Variants in BPIFA3 observed in about 807,000 individuals in gnomAD.
BPIFA3 encodes BPI fold-containing family A member 3.
BPIFA3 carries 32 observed loss-of-function variants against 29.7 expected under a neutral mutation model. That is an observed-to-expected ratio of 1.08 (90% CI 0.81 to 1.45). The LOEUF (loss-of-function observed/expected upper bound fraction) is 1.45. Among genes scored for constraint, BPIFA3 ranks in the 40% most tolerant of loss-of-function variants. The probability of loss-of-function intolerance (pLI) is 0.00; values close to 1 mark genes in which losing one functional copy is unlikely to be tolerated. For missense variants in BPIFA3, 323 were observed against 311.3 expected, an observed-to-expected ratio of 1.04 and a Z score of -0.28; for synonymous variants, 112 against 113.7, an observed-to-expected ratio of 0.98 and a Z score of 0.10.
intron 4 of BPIFA3, 148 bp downstream of exon 4, chr20:33,225,395 G>GTGA: frequency 8.8e-7 from 1 of 1,134,936 alleles, no homozygotes; most frequent in Non-Finnish European, 1.2e-6. Context: ...GTTCCCATCC[G>GTGA]TGATGACCCT....
chr20:33,219,689 G>C (rs143235029), intron 1 of BPIFA3, among the ~76,000 whole-genome samples: 23 of 152,266 alleles, frequency 1.5e-4, no homozygotes, highest in Non-Finnish European at 3.1e-4. Flanking sequence ...TCCCTATGCT[G>C]TATCTGTACA....
At position 33,224,003 on chromosome 20, in the gene BPIFA3, A is replaced by G. The variant is rs757289706; in HGVS notation, c.278+42A>G. ...TATCCGTGGCCCTGGAACTCTTTAT[A>G]GAGCTCTAGATCGAAGGGTAGAGCT... On this transcript the variant is annotated intron_variant, in intron 2 of 6. Coordinates refer to ENST00000375454, the MANE Select transcript of BPIFA3 (RefSeq NM_178466.5). 4.4e-6 allele frequency: 7 copies of G among 1,606,680 alleles called. No homozygotes were observed. In the East Asian group the frequency reaches 1.6e-4, roughly 36 times the overall value.
rs938062487 is a variant in BPIFA3, at chr20:33,227,770, C to T, written c.*153C>T. ...AGCTCTGAAGGGTGCACAGGTCCCT[C>T]CCACCTGGGCCCTGGGGTTTAGGTC... On this transcript the variant is annotated 3_prime_UTR_variant, in exon 7 of 7. Coordinates refer to ENST00000375454, the MANE Select transcript of BPIFA3 (RefSeq NM_178466.5). The T allele has an allele frequency of 4.9e-6, 3 of 614,956 alleles. No individual in the cohort carries two copies. In the Admixed American group the frequency reaches 8.5e-5, roughly 17 times the overall value. 38.1% of individuals were successfully genotyped at this position (614,956 alleles called of 1,614,324 possible). A position where few individuals can be genotyped will look rare whatever the true frequency, so the allele number is the denominator to read the frequency against.
intron 1 of BPIFA3, among the ~76,000 whole-genome samples, chr20:33,219,145 T>A (rs1985398245): frequency 6.6e-6 from 1 of 152,204 alleles, no homozygotes; most frequent in Non-Finnish European, 1.5e-5. Context: ...CCTCAAGTGA[T>A]CTACCCACCT....
In BPIFA3 at chr20:33,227,580, A is replaced by C. The variant is rs945549293; in HGVS notation, c.728A>C (p.Gln243Pro). The change falls in exon 7 of 7, where the codon CAA becomes CCA. Residue 243 changes from glutamine (Q) to proline (P), a missense_variant. Gln to Pro is a moderately conservative substitution (Grantham distance 76, BLOSUM62 -1). Coordinates refer to ENST00000375454, the MANE Select transcript of BPIFA3 (RefSeq NM_178466.5). ...GAACCAACCCACCATGAAACCAGCC[A>C]ACCCTCTGCATGCCAGGCTGGAGAG... Reference protein sequence around the residue: ...AHEPTHHETSQPSACQAGESP... With the variant: ...AHEPTHHETSPPSACQAGESP... 6.2e-7 allele frequency: 1 copy of C among 1,614,128 alleles called. No individual in the cohort carries two copies. Among genetic ancestry groups the C allele is most frequent in the Non-Finnish European group, 8.5e-7 (1 of 1,180,012 alleles).
In BPIFA3 at chr20:33,227,010, T is replaced by C; in HGVS notation, c.685+17T>C. 6.2e-7 allele frequency: 1 copy of C among 1,608,928 alleles called. No homozygotes were observed. Among genetic ancestry groups the C allele is most frequent in the Non-Finnish European group, 8.5e-7 (1 of 1,175,276 alleles). ...GCCTCATAGGTGAGTGTCTGGTCCA[T>C]CCAGTGAGGACTTCTTAGGACTGGC... On this transcript the variant is annotated intron_variant, in intron 6 of 6. Coordinates refer to ENST00000375454, the MANE Select transcript of BPIFA3 (RefSeq NM_178466.5).
intron 1 of BPIFA3, chr20:33,223,603 T>C: frequency 1.9e-6 from 1 of 534,996 alleles, no homozygotes; most frequent in Non-Finnish European, 3.3e-6. Context: ...CCACACCCTC[T>C]GCAGGTGTTT....
chr20:33,227,055 C>A (rs1240786521), intron 6 of BPIFA3, 62 bp downstream of exon 6: 14 of 1,508,922 alleles, frequency 9.3e-6, no homozygotes, highest in East Asian at 2.3e-5. Context: ...AAAGAGGTAC[C>A]CCCGGCCCTG....
intron 1 of BPIFA3, among the ~76,000 whole-genome samples, chr20:33,218,281 G>T (rs1380480205): frequency 6.6e-6 from 1 of 152,212 alleles, no homozygotes; most frequent in South Asian, 2.1e-4. Flanking sequence ...AACCCAGAAG[G>T]AGAGTGGTTG....
chr20:33,226,343 C>T (rs1985776820), intron 4 of BPIFA3, 63 bp from the exon 5 acceptor site: 12 of 1,203,842 alleles, frequency 1.0e-5, no homozygotes, highest in Non-Finnish European at 1.3e-5. Context: ...CAACACATAC[C>T]TCCTGGCTTT....
chr20:33,220,065 A>T (rs1375920479), intron 1 of BPIFA3, among the ~76,000 whole-genome samples: 1 of 149,840 alleles, frequency 6.7e-6, no homozygotes, highest in Non-Finnish European at 1.5e-5. Flanking sequence ...GTGCCACTGC[A>T]CTCCAGCCTG....
intron 2 of BPIFA3, 30 bp from the exon 3 acceptor site, chr20:33,224,324 CT>C (rs1296441543): frequency 6.3e-7 from 1 of 1,583,602 alleles, no homozygotes; most frequent in Non-Finnish European, 8.7e-7. Flanking sequence ...GTCCCTCACC[CT>C]TGTGGGGCCT....
At chr20:33,221,142 C>T (rs898556960) in intron 1 of BPIFA3, among the ~76,000 whole-genome samples, 1 of 145,378 alleles carries the variant, frequency 6.9e-6, no homozygotes, top group South Asian at 2.1e-4. Flanking sequence ...TTATGATGTA[C>T]TGTTAGATTT....
At chr20:33,224,332 G>A (rs771657025) in intron 2 of BPIFA3, 23 bp from the exon 3 acceptor site, 11 of 1,596,958 alleles carry the variant, frequency 6.9e-6, no homozygotes, top group Non-Finnish European at 9.4e-6. Flanking sequence ...CCCTTGTGGG[G>A]CCTCTGCTCT....
At position 33,217,376 on chromosome 20, in the gene BPIFA3, C is replaced by G. The variant is rs566123975; in HGVS notation, c.-161C>G. The G allele has an allele frequency of 9.2e-6, 8 of 866,110 alleles. No homozygotes were observed. The highest frequency in any genetic ancestry group is 1.8e-5 in the African/African-American group (1 of 56,500). The allele number at this position is 866,110 out of a possible 1,614,324, so 53.7% of individuals were successfully genotyped here. ...CAATGTGAGCAAGCCCTGGTGGCAG[C>G]GCCAGGGTCCAGTGCAGCCCCTCCC... On this transcript the variant is annotated 5_prime_UTR_variant, in exon 1 of 7. Coordinates refer to ENST00000375454, the MANE Select transcript of BPIFA3 (RefSeq NM_178466.5).
intron 1 of BPIFA3, among the ~76,000 whole-genome samples, chr20:33,221,845 A>G (rs905325825): frequency 3.3e-5 from 5 of 152,232 alleles, no homozygotes; most frequent in Admixed American, 6.5e-5. Context: ...ATAATTCTGA[A>G]CCCAGGTAAC....
rs570692600 is a variant in BPIFA3, at chr20:33,224,572, C to T, written c.386+110C>T. 1.3e-5 allele frequency: 12 copies of T among 937,146 alleles called. No homozygotes were observed. The African/African-American group carries it at 1.8e-4, about 14-fold the overall frequency. 58.1% of individuals were successfully genotyped at this position (937,146 alleles called of 1,614,324 possible). A position where few individuals can be genotyped will look rare whatever the true frequency, so the allele number is the denominator to read the frequency against. On this transcript the variant is annotated intron_variant, in intron 3 of 6. Transcript: ENST00000375454. The stretch of plus-strand genomic sequence containing the variant: ...TAAATTCAAATCCTGGCTTCCAAAG[C>T]CACTTGCTGTGTGACCTTGGGCAAG...
At chr20:33,226,545 C>A (rs1985789323) in intron 5 of BPIFA3, 55 bp downstream of exon 5, 1 of 1,077,000 alleles carries the variant, frequency 9.3e-7, no homozygotes, top group Non-Finnish European at 1.4e-6. Context: ...AGGGTTAGGG[C>A]ATATATCCAC....
intron 1 of BPIFA3, chr20:33,223,572 A>G (rs1007181180): frequency 1.8e-5 from 8 of 443,630 alleles, no homozygotes; most frequent in Admixed American, 3.4e-5. Flanking sequence ...AGAATACCCC[A>G]CTTTGAGCAG....
Sources: gnomAD v4.1 joint callset for allele counts (sites outside exome capture counted in the v4.1 genomes callset) on GRCh38, gnomAD v4.1.1 for gene constraint, MANE v1.5 for transcripts, NCBI Gene and HGNC (gene_info 2026-07-23, HGNC 2026-07-21) for gene names.